Variants in SDK1 observed in about 807,000 individuals in gnomAD.
SDK1 encodes the protein protein sidekick-1.
A neutral mutation model predicts 245.5 loss-of-function variants in SDK1; 157 were observed. The observed-to-expected ratio is 0.64, with a 90% CI of 0.56 to 0.73. The LOEUF (loss-of-function observed/expected upper bound fraction) is 0.73. Ranked by LOEUF, SDK1 falls within the 30% of genes least tolerant of loss-of-function variation. The pLI, the probability that SDK1 is intolerant of heterozygous loss-of-function variation, is 0.00. For synonymous variants in SDK1, 1,647 were observed against 1,278.5 expected (o/e 1.29, Z -6.15); for missense variants, 3,583 against 3,002.3 (o/e 1.19, Z -4.52).
rs151135960 is a variant in SDK1 at position 3,569,976 on chromosome 7, T to A, written c.299-49104T>A. ...AGAGTGTTTTTCTCTCACTTTGGCCTTAGGACCATTATTTTCTCTTACCAG... is the reference window on the plus strand; with the variant it reads ...AGAGTGTTTTTCTCTCACTTTGGCCATAGGACCATTATTTTCTCTTACCAG... On this transcript the variant is annotated intron_variant, in intron 1 of 44. Coordinates refer to ENST00000404826, the MANE Select transcript of SDK1 (RefSeq NM_152744.4). Among the ~76,000 whole-genome samples the A allele has an allele frequency of 7.9e-4, 121 of 152,302 alleles. No homozygotes were observed. The Middle Eastern group carries it at 0.014, about 17-fold the overall frequency.
At chr7:3,768,200 T>A (rs1780308542) in intron 4 of SDK1, among the ~76,000 whole-genome samples, 1 of 152,184 alleles carries the variant, frequency 6.6e-6, no homozygotes, top group South Asian at 2.1e-4. Flanking sequence ...TAAAGCAGCG[T>A]TGAATATAAT....
intron 1 of SDK1, among the ~76,000 whole-genome samples, chr7:3,450,923 G>A (rs572652004): frequency 1.4e-4 from 22 of 152,158 alleles, no homozygotes; most frequent in South Asian, 1.2e-3. Context: ...GGAGTTTTGC[G>A]GAAGCCAAAG....
chr7:4,008,903 A>C (rs1271667838), intron 14 of SDK1, among the ~76,000 whole-genome samples: 2 of 152,122 alleles, frequency 1.3e-5, no homozygotes. Flanking sequence ...TGTTCCTTTG[A>C]GTGTATACTG....
intron 42 of SDK1, among the ~76,000 whole-genome samples, chr7:4,241,559 A>G (rs560039640): frequency 9.8e-5 from 15 of 152,358 alleles, no homozygotes; most frequent in Non-Finnish European, 2.2e-4. Context: ...GTATTTTGGG[A>G]TCAGACAGAA....
At chr7:3,840,585 C>T (rs1456562327) in intron 5 of SDK1, among the ~76,000 whole-genome samples, 2 of 152,142 alleles carry the variant, frequency 1.3e-5, no homozygotes, top group Non-Finnish European at 2.9e-5. Flanking sequence ...TGCATCTTAA[C>T]AAGATATTTA....
intron 20 of SDK1, among the ~76,000 whole-genome samples, chr7:4,073,708 G>C (rs975252653): frequency 7.2e-5 from 11 of 152,322 alleles, no homozygotes; most frequent in African/African-American, 2.6e-4. Context: ...CAGTTCCCTT[G>C]CACACATCAG....
intron 5 of SDK1, among the ~76,000 whole-genome samples, chr7:3,860,107 G>C (rs1164124732): frequency 6.6e-6 from 1 of 151,672 alleles, no homozygotes; most frequent in Non-Finnish European, 1.5e-5. Flanking sequence ...TTTTTAGTAG[G>C]GTCGGGGTTT....
intron 1 of SDK1, among the ~76,000 whole-genome samples, chr7:3,309,739 T>C (rs948696385): frequency 6.6e-6 from 1 of 152,184 alleles, no homozygotes; most frequent in Non-Finnish European, 1.5e-5. Flanking sequence ...GTAACACCTT[T>C]AAAAGGAAGA....
chr7:3,881,898 C>T (rs543719596), intron 5 of SDK1, among the ~76,000 whole-genome samples: 2 of 152,296 alleles, frequency 1.3e-5, no homozygotes, highest in African/African-American at 4.8e-5. Flanking sequence ...GAGCTCTGTT[C>T]CCGGGAGGCT....
chr7:3,362,114 A>G (rs1308167917), intron 1 of SDK1, among the ~76,000 whole-genome samples: 1 of 152,184 alleles, frequency 6.6e-6, no homozygotes, highest in Non-Finnish European at 1.5e-5. Context: ...TTATAATAGC[A>G]TTTTGATCTG....
At chr7:3,659,023 A>G (rs1347488482) in intron 4 of SDK1, among the ~76,000 whole-genome samples, 1 of 152,098 alleles carries the variant, frequency 6.6e-6, no homozygotes, top group East Asian at 1.9e-4. Context: ...GCAACCACAC[A>G]TCTACTTCTC....
At chr7:4,176,564 C>T (rs914716364) in intron 34 of SDK1, among the ~76,000 whole-genome samples, 6 of 152,200 alleles carry the variant, frequency 3.9e-5, no homozygotes, top group Non-Finnish European at 7.3e-5. Context: ...CACATTCACA[C>T]TGTTATGCAG....
intron 32 of SDK1, among the ~76,000 whole-genome samples, chr7:4,170,879 CTG>C (rs373850742): frequency 9.2e-5 from 14 of 152,266 alleles, no homozygotes; most frequent in African/African-American, 3.4e-4. Flanking sequence ...CTGTGAGTGA[CTG>C]TTGCCGGCGT....
chr7:4,146,657 A>G lies in SDK1; in HGVS notation c.4423+741A>G, dbSNP rs111852086. ...CCCCGAAAGCAGCCCCCAGTCTCTG[A>G]TGTTAAACCCACGTCCTCCGTAGAG... On this transcript the variant is annotated intron_variant, in intron 29 of 44. Coordinates refer to ENST00000404826, the MANE Select transcript of SDK1 (RefSeq NM_152744.4). 3.4e-3 allele frequency among the ~76,000 whole-genome samples: 514 copies of G among 152,336 alleles called. 3 individuals carry two copies. Among genetic ancestry groups the G allele is most frequent in the African/African-American group, 0.012 (485 of 41,578 alleles).
intron 22 of SDK1, among the ~76,000 whole-genome samples, chr7:4,098,136 T>C (rs956005819): frequency 1.6e-4 from 25 of 152,174 alleles, no homozygotes; most frequent in African/African-American, 5.5e-4. Context: ...ATGAGATGAA[T>C]GGTGGAAAAG....
At chr7:3,896,190 A>G (rs955088628) in intron 5 of SDK1, among the ~76,000 whole-genome samples, 2 of 152,210 alleles carry the variant, frequency 1.3e-5, no homozygotes, top group Non-Finnish European at 2.9e-5. Context: ...ATTTACTCAC[A>G]TATTGACCAT....
intron 4 of SDK1, among the ~76,000 whole-genome samples, chr7:3,758,861 A>G (rs1472724890): frequency 6.6e-6 from 1 of 152,212 alleles, no homozygotes. Context: ...CCATGTATAC[A>G]CACAAGTCTC....
chr7:3,885,924 C>T (rs1372269594), intron 5 of SDK1, among the ~76,000 whole-genome samples: 2 of 152,174 alleles, frequency 1.3e-5, no homozygotes, highest in African/African-American at 4.8e-5. Flanking sequence ...CTCCCACTTA[C>T]TCCTAAGTTG....
intron 20 of SDK1, among the ~76,000 whole-genome samples, chr7:4,071,494 A>G (rs1162856050): frequency 6.6e-6 from 1 of 152,216 alleles, no homozygotes; most frequent in Non-Finnish European, 1.5e-5. Context: ...GAGAATCGCA[A>G]GTGCTGAGTG....
Sources: allele counts gnomAD v4.1 joint callset (sites outside exome capture counted in the v4.1 genomes callset), GRCh38; gene constraint gnomAD v4.1.1; transcripts MANE v1.5; gene names NCBI Gene and HGNC (gene_info 2026-07-23, HGNC 2026-07-21).